TBC1D23: variants seen among roughly 807,000 people sequenced by gnomAD.
The protein encoded by TBC1D23 is HCV non-structural protein 4A-transactivated protein 1.
A neutral mutation model predicts 91.4 loss-of-function variants in TBC1D23; 55 were observed. That is an observed-to-expected ratio of 0.60 (90% CI 0.48 to 0.75). The LOEUF (loss-of-function observed/expected upper bound fraction) is 0.75. Among genes scored for constraint, TBC1D23 ranks in the 30% least tolerant of loss-of-function variants. The pLI is 0.00. For synonymous variants in TBC1D23, 289 were observed against 281.0 expected (o/e 1.03, Z -0.28); for missense variants, 725 against 836.1 (o/e 0.87, Z 1.64).
At chr3:100,296,433 C>G (rs2067841290) in intron 8 of TBC1D23, among the ~76,000 whole-genome samples, 158 bp downstream of exon 8, 1 of 151,714 alleles carries the variant, frequency 6.6e-6, no homozygotes, top group South Asian at 2.1e-4. Context: ...TGTAAATACC[C>G]TCCCTAGTGG....
chr3:100,317,561 G>C (rs563595603), intron 16 of TBC1D23, among the ~76,000 whole-genome samples: 18 of 152,242 alleles, frequency 1.2e-4, no homozygotes, highest in African/African-American at 4.3e-4. Flanking sequence ...AAGATTGCTA[G>C]GTTATAGGGA....
intron 1 of TBC1D23, among the ~76,000 whole-genome samples, chr3:100,269,865 T>G (rs2067587128): frequency 6.6e-6 from 1 of 152,192 alleles, no homozygotes; most frequent in South Asian, 2.1e-4. Context: ...TACATGCAGC[T>G]TGCCACTGCT....
chr3:100,287,324 C>T (rs921112482), intron 4 of TBC1D23, among the ~76,000 whole-genome samples: 2 of 152,116 alleles, frequency 1.3e-5, no homozygotes, highest in African/African-American at 4.8e-5. Flanking sequence ...ACTAGCATGT[C>T]TTATTACAGT....
intron 1 of TBC1D23, among the ~76,000 whole-genome samples, chr3:100,276,597 T>C (rs746351619): frequency 5.3e-5 from 8 of 152,210 alleles, no homozygotes; most frequent in Non-Finnish European, 1.0e-4. Flanking sequence ...AGCTTGAGTA[T>C]AAATATTAAA....
At position 100,299,291 on chromosome 3, in the gene TBC1D23, C is replaced by A; in HGVS notation, c.1052C>A (p.Ala351Asp). 1 of 1,612,568 alleles carries A rather than the reference C, an allele frequency of 6.2e-7. No homozygotes were observed. The highest frequency in any genetic ancestry group is 8.5e-7 in the Non-Finnish European group (1 of 1,178,912). Residue 351 changes from alanine to aspartate, a missense_variant, in exon 10 of 19, where the codon GCT becomes GAT. Physicochemically the swap from Ala to Asp is moderately radical, Grantham distance 126 (BLOSUM62 -2). Coordinates refer to ENST00000394144, the MANE Select transcript of TBC1D23 (RefSeq NM_001199198.3). ...TGCCGTCCTGCAGAACAATATAATG[C>A]TGGGCATTTATCAACTGCTTTCCAC... ...VDCRPAEQYN[A>D]GHLSTAFHLD...
In TBC1D23 at chr3:100,305,930, T is replaced by G. The variant is rs141481748; in HGVS notation, c.1307-507T>G. 5.9e-4 allele frequency among the ~76,000 whole-genome samples: 90 copies of G among 152,324 alleles called. 1 individual carries two copies. The highest frequency in any genetic ancestry group is 3.3e-3 in the Admixed American group (51 of 15,296). On this transcript the variant is annotated intron_variant, in intron 12 of 18. Transcript: ENST00000394144. ...CAAAAGTGTCTGAAAAGCATTCTTT[T>G]ATAGTATAACCCAGATTTTAGAAAA... is the stretch of plus-strand genomic sequence containing the variant.
At chr3:100,303,894 T>G (rs1705474384) in intron 11 of TBC1D23, among the ~76,000 whole-genome samples, 1 of 152,198 alleles carries the variant, frequency 6.6e-6, no homozygotes, top group South Asian at 2.1e-4. Flanking sequence ...TTATGTGGTT[T>G]TATACATTTT....
chr3:100,284,451 G>T (rs1160673843), intron 4 of TBC1D23, among the ~76,000 whole-genome samples: 1 of 152,022 alleles, frequency 6.6e-6, no homozygotes, highest in East Asian at 1.9e-4. Context: ...TAAAATTTCT[G>T]GGGTGTTACC....
intron 4 of TBC1D23, among the ~76,000 whole-genome samples, chr3:100,287,866 T>G (rs1371520999): frequency 2.6e-5 from 4 of 151,872 alleles, no homozygotes; most frequent in Admixed American, 6.6e-5. Context: ...TGATCCTCCC[T>G]CCTCAGCCTC....
rs149625232 is a variant in TBC1D23, at chr3:100,305,564, A to G, written c.1306+676A>G. ...AATCAAATCAATATGTAAGAATCAC[A>G]TGCTGACCAGTTGTGCAACTGAAGC... is the stretch of plus-strand genomic sequence containing the variant. On this transcript the variant is annotated intron_variant, in intron 12 of 18. Coordinates refer to ENST00000394144, the MANE Select transcript of TBC1D23 (RefSeq NM_001199198.3). Among the ~76,000 whole-genome samples the G allele has an allele frequency of 8.3e-3, 1,263 of 152,302 alleles. 8 individuals carry two copies. Among genetic ancestry groups the G allele is most frequent in the Non-Finnish European group, 0.014 (968 of 67,986 alleles).
intron 1 of TBC1D23, among the ~76,000 whole-genome samples, chr3:100,264,111 G>A (rs530861747): frequency 8.5e-5 from 13 of 152,250 alleles, no homozygotes; most frequent in African/African-American, 2.2e-4. Flanking sequence ...TTCAGTAAAG[G>A]CTCTGTTCTT....
Position 100,323,782 on chromosome 3 carries a change from T to C in TBC1D23, c.*114T>C. 1 of 378,996 alleles carries C rather than the reference T, an allele frequency of 2.6e-6. No homozygotes were observed. The highest frequency in any genetic ancestry group is 8.2e-5 in the South Asian group (1 of 12,148). 23.5% of individuals were successfully genotyped at this position (378,996 alleles called of 1,614,324 possible). ...TCATTTGCTCATGGGGCTGCTTAAATAGCAGGTCTAAGAAAGTGTAAATTA... is the reference window on the plus strand; with the variant it reads ...TCATTTGCTCATGGGGCTGCTTAAACAGCAGGTCTAAGAAAGTGTAAATTA... On this transcript the variant is annotated 3_prime_UTR_variant, in exon 19 of 19. Transcript: ENST00000394144.
chr3:100,304,689 A>G (rs1266301535), intron 11 of TBC1D23, among the ~76,000 whole-genome samples, 157 bp from the exon 12 acceptor site: 1 of 152,210 alleles, frequency 6.6e-6, no homozygotes, highest in African/African-American at 2.4e-5. Flanking sequence ...GTAAATGGAT[A>G]TACCTCTCTC....
intron 1 of TBC1D23, chr3:100,261,631 C>A (rs559917573): frequency 1.3e-5 from 2 of 151,532 alleles, no homozygotes; most frequent in Admixed American, 1.3e-4. Context: ...GTCATCTTTT[C>A]CCCTACTACC....
At chr3:100,316,469 T>TA (rs1181735420) in intron 16 of TBC1D23, among the ~76,000 whole-genome samples, 3 of 151,538 alleles carry the variant, frequency 2.0e-5, no homozygotes, top group Non-Finnish European at 4.4e-5. Context: ...AATAAAATTT[T>TA]AAAAAAAAGG....
intron 4 of TBC1D23, 133 bp downstream of exon 4, chr3:100,283,944 A>G: frequency 3.6e-6 from 2 of 559,276 alleles, no homozygotes; most frequent in Non-Finnish European, 6.3e-6. Context: ...TTGATCCATA[A>G]TTGTTATTTT....
chr3:100,276,147 C>A (rs754990493), intron 1 of TBC1D23, among the ~76,000 whole-genome samples: 1 of 150,152 alleles, frequency 6.7e-6, no homozygotes, highest in Non-Finnish European at 1.5e-5. Context: ...CCCTGTTTGG[C>A]GAGAGTGTGT....
At chr3:100,321,672 T>G (rs934084316) in intron 18 of TBC1D23, among the ~76,000 whole-genome samples, 4 of 152,208 alleles carry the variant, frequency 2.6e-5, no homozygotes, top group African/African-American at 9.6e-5. Context: ...GGATAAATAG[T>G]AAGCTTAAGG....
Position 100,304,898 on chromosome 3 carries a change from T to C in TBC1D23, c.1306+10T>C, listed in dbSNP as rs41272633. 5.3e-3 allele frequency: 7,581 copies of C among 1,436,954 alleles called. 32 individuals carry two copies. Among genetic ancestry groups the C allele is most frequent in the South Asian group, 6.4e-3 (554 of 86,630 alleles). The allele number at this position is 1,436,954 out of a possible 1,614,324, so 89.0% of individuals were successfully genotyped here. On this transcript the variant is annotated intron_variant, in intron 12 of 18. Transcript: ENST00000394144. The stretch of plus-strand genomic sequence containing the variant: ...AGTGGAGGATTTATGGGTAAGATTT[T>C]GATTTATTAGTTTTTTTCCTCTATG...
Sources: gnomAD v4.1 joint callset for allele counts (sites outside exome capture counted in the v4.1 genomes callset) on GRCh38, gnomAD v4.1.1 for gene constraint, MANE v1.5 for transcripts, NCBI Gene and HGNC (gene_info 2026-07-23, HGNC 2026-07-21) for gene names.